The following PARN variants were observed in gnomAD, a reference collection of about 807,000 sequenced individuals.
PARN encodes the protein poly(A)-specific ribonuclease PARN.
A neutral mutation model predicts 102.8 loss-of-function variants in PARN; 71 were observed. The observed-to-expected ratio is 0.69, with a 90% CI of 0.57 to 0.84. The LOEUF (loss-of-function observed/expected upper bound fraction) is 0.84, where lower values mean the gene tolerates loss of function less well. Ranked by LOEUF, PARN falls within the 40% of genes least tolerant of loss-of-function variation. PARN has a pLI of 0.00. For missense variants in PARN, 782 were observed against 760.9 expected, an observed-to-expected ratio of 1.03 and a Z score of -0.33; for synonymous variants, 261 against 252.9, an observed-to-expected ratio of 1.03 and a Z score of -0.30.
chr16:14,530,194 G>C (rs908896794), intron 21 of PARN, among the ~76,000 whole-genome samples: 1 of 152,176 alleles, frequency 6.6e-6, no homozygotes, highest in Non-Finnish European at 1.5e-5. Context: ...CAGCACAGAA[G>C]TCTCCTCCAG....
At chr16:14,475,702 A>G (rs1175245475) in intron 22 of PARN, among the ~76,000 whole-genome samples, 4 of 152,208 alleles carry the variant, frequency 2.6e-5, no homozygotes, top group Admixed American at 2.0e-4. Context: ...TCTCTAAAGC[A>G]AATAGAAGTG....
intron 10 of PARN, among the ~76,000 whole-genome samples, chr16:14,605,440 A>T (rs1231125453): frequency 6.6e-6 from 1 of 152,216 alleles, no homozygotes; most frequent in Non-Finnish European, 1.5e-5. Flanking sequence ...GACAAATACT[A>T]AAAAAGTTAT....
chr16:14,534,937 C>T (rs1358530032), intron 21 of PARN, among the ~76,000 whole-genome samples: 1 of 151,548 alleles, frequency 6.6e-6, no homozygotes, highest in Non-Finnish European at 1.5e-5. Context: ...CGGGTCCAAG[C>T]GATTCTCCTG....
chr16:14,573,135 C>A (rs1968909055), intron 18 of PARN, among the ~76,000 whole-genome samples: 1 of 152,146 alleles, frequency 6.6e-6, no homozygotes, highest in African/African-American at 2.4e-5. Context: ...ACCTCCCTGG[C>A]CTCCCAAAGT....
rs200838639 is a variant in PARN, at chr16:14,457,907, TGTGTGTGTGGGG to T, written c.1671-10838_1671-10827del. Among the ~76,000 whole-genome samples the T allele has an allele frequency of 4.5e-3, 558 of 124,336 alleles. 8 individuals are homozygous for T. In the East Asian group the frequency reaches 0.064, roughly 14 times the overall value. The allele number at this position is 124,336 out of a possible 152,430, so 81.6% of individuals were successfully genotyped here. On this transcript the variant is annotated intron_variant, in intron 22 of 23. Coordinates refer to ENST00000437198, the MANE Select transcript of PARN (RefSeq NM_002582.4). ...AAGGACATCTCTTGTGGAATAGGGG[TGTGTGTGTGGGG>T]GTGTGTGTGTGGGTGTGTGTGTGTG...
chr16:14,602,969 C>T (rs1332036970), intron 11 of PARN, among the ~76,000 whole-genome samples: 1 of 152,036 alleles, frequency 6.6e-6, no homozygotes, highest in Admixed American at 6.6e-5. Context: ...AGCTAGAGTA[C>T]AGTGGCATAA....
intron 18 of PARN, among the ~76,000 whole-genome samples, chr16:14,580,024 T>G (rs1281617271): frequency 1.3e-5 from 2 of 150,554 alleles, no homozygotes; most frequent in African/African-American, 4.9e-5. Context: ...CAATCACCTG[T>G]GGGTTCCATG....
chr16:14,526,265 C>T (rs531754353), intron 21 of PARN, among the ~76,000 whole-genome samples: 18 of 152,028 alleles, frequency 1.2e-4, no homozygotes, highest in Admixed American at 1.2e-3. Flanking sequence ...CAAGCTCCGC[C>T]TCCCGGGTTC....
chr16:14,605,173 G>T (rs1971109271), intron 10 of PARN, among the ~76,000 whole-genome samples: 1 of 151,098 alleles, frequency 6.6e-6, no homozygotes, highest in African/African-American at 2.4e-5. Context: ...CAAACTCCTG[G>T]GCTCAAATGA....
rs559795664 is a variant in PARN at position 14,622,884 on chromosome 16, G to A, written c.327+4222C>T. ...TTTGGGAAGCCAAAGTGGGCAGATC[G>A]CTTGAGCCCAGGAGTTCAAGACGAG... On this transcript the variant is annotated intron_variant, in intron 5 of 23. Coordinates refer to ENST00000437198, the MANE Select transcript of PARN (RefSeq NM_002582.4). Among the ~76,000 whole-genome samples the A allele has an allele frequency of 1.1e-4, 16 of 151,928 alleles. 1 individual carries two copies. The highest frequency in any genetic ancestry group is 1.0e-3 in the Admixed American group (16 of 15,266).
intron 18 of PARN, chr16:14,578,381 G>A (rs1312624487): frequency 6.8e-6 from 1 of 147,632 alleles, no homozygotes; most frequent in Non-Finnish European, 1.5e-5. Flanking sequence ...TTGGCTAGGC[G>A]CGGTGACTAA....
chr16:14,546,649 T>C (rs1047482446), intron 21 of PARN, among the ~76,000 whole-genome samples: 4 of 152,220 alleles, frequency 2.6e-5, no homozygotes, highest in African/African-American at 4.8e-5. Context: ...TGTCCTACGA[T>C]GCATTTAAAG....
intron 14 of PARN, 88 bp downstream of exon 14, chr16:14,586,230 G>A: frequency 1.3e-6 from 1 of 752,076 alleles, no homozygotes; most frequent in South Asian, 1.5e-5. Context: ...TCCCACCTCA[G>A]TCTCCCAAAG....
At chr16:14,500,517 C>T (rs1964530922) in intron 21 of PARN, among the ~76,000 whole-genome samples, 1 of 152,118 alleles carries the variant, frequency 6.6e-6, no homozygotes, top group Admixed American at 6.5e-5. Context: ...AGCAACCCTC[C>T]CGAGCAGCCA....
intron 18 of PARN, chr16:14,576,313 G>C (rs573218987): frequency 2.0e-5 from 3 of 152,322 alleles, no homozygotes; most frequent in Admixed American, 6.5e-5. Flanking sequence ...GTCCTGTAGA[G>C]TAAACTGCAG....
chr16:14,627,368 AAGTG>A (rs971667790), intron 3 of PARN, 32 bp from the exon 4 acceptor site: 2 of 1,495,772 alleles, frequency 1.3e-6, no homozygotes, highest in African/African-American at 2.8e-5. Flanking sequence ...TCTGTCACAA[AAGTG>A]CTGCATATTC....
At chr16:14,605,090 C>T (rs1971103390) in intron 10 of PARN, among the ~76,000 whole-genome samples, 1 of 151,980 alleles carries the variant, frequency 6.6e-6, no homozygotes, top group Non-Finnish European at 1.5e-5. Context: ...CAGGCATGTA[C>T]CACTATGCCT....
At chr16:14,437,904 A>G (rs573183611) in intron 23 of PARN, among the ~76,000 whole-genome samples, 1 of 152,330 alleles carries the variant, frequency 6.6e-6, no homozygotes, top group East Asian at 1.9e-4. Flanking sequence ...ACACAAGAAA[A>G]AACATGAAGA....
rs188521106 is a variant in PARN, at chr16:14,444,526, T to G, written c.1864+2362A>C. Among the ~76,000 whole-genome samples the G allele has an allele frequency of 7.2e-5, 11 of 152,282 alleles. No individual in the cohort carries two copies. In the East Asian group the frequency reaches 2.1e-3, roughly 29 times the overall value. ...CTAATCTATTAATGCAGTCTATTATTAGTTATTTTAATTTTAATATTTTTC... is the reference window on the plus strand; with the variant it reads ...CTAATCTATTAATGCAGTCTATTATGAGTTATTTTAATTTTAATATTTTTC... On this transcript the variant is annotated intron_variant, in intron 23 of 23. Coordinates refer to ENST00000437198, the MANE Select transcript of PARN (RefSeq NM_002582.4).
Sources: allele counts gnomAD v4.1 joint callset (sites outside exome capture counted in the v4.1 genomes callset), GRCh38; gene constraint gnomAD v4.1.1; transcripts MANE v1.5; gene names NCBI Gene and HGNC (gene_info 2026-07-23, HGNC 2026-07-21).